SAXO1: variants seen among roughly 807,000 people sequenced by gnomAD.
SAXO1 encodes the protein 4930500O09Rik.
Under a neutral mutation model 17.5 loss-of-function variants are expected in SAXO1, and 21 were observed. The ratio of observed to expected loss-of-function variants is 1.20; its 90% CI spans 0.85 to 1.72. The LOEUF (loss-of-function observed/expected upper bound fraction) is 1.72. SAXO1 is among the 40% of genes most tolerant of loss of function. SAXO1 has a pLI of 0.00. For missense variants in SAXO1, 843 were observed against 596.0 expected, an observed-to-expected ratio of 1.41 and a Z score of -4.32; for synonymous variants, 274 against 216.5, an observed-to-expected ratio of 1.27 and a Z score of -2.33.
At chr9:19,044,628 C>G (rs975244366) in intron 1 of SAXO1, among the ~76,000 whole-genome samples, 3 of 152,126 alleles carry the variant, frequency 2.0e-5, no homozygotes, top group Non-Finnish European at 4.4e-5. Flanking sequence ...CTTTGGGAGG[C>G]TGAGGCGGCA....
intron 1 of SAXO1, among the ~76,000 whole-genome samples, chr9:18,953,895 C>T (rs1051060209): frequency 6.6e-6 from 1 of 152,174 alleles, no homozygotes; most frequent in South Asian, 2.1e-4. Flanking sequence ...AAGGGAAAGA[C>T]AGATTTCTCA....
chr9:19,029,026 C>T (rs1481426435), intron 1 of SAXO1, among the ~76,000 whole-genome samples: 1 of 152,164 alleles, frequency 6.6e-6, no homozygotes, highest in Non-Finnish European at 1.5e-5. Flanking sequence ...GAGAATTGAT[C>T]AGGAAACGTC....
At chr9:18,959,590 G>C (rs193232869) in intron 1 of SAXO1, among the ~76,000 whole-genome samples, 3 of 152,228 alleles carry the variant, frequency 2.0e-5, no homozygotes, top group African/African-American at 7.2e-5. Context: ...GGCCAATATG[G>C]TGAAACCCCA....
At chr9:18,936,873 T>C (rs1478691772) in intron 3 of SAXO1, among the ~76,000 whole-genome samples, 1 of 152,228 alleles carries the variant, frequency 6.6e-6, no homozygotes, top group African/African-American at 2.4e-5. Flanking sequence ...GCATATTTTA[T>C]TGGTGGTTTT....
At chr9:19,029,131 G>A (rs1463251229) in intron 1 of SAXO1, among the ~76,000 whole-genome samples, 1 of 152,178 alleles carries the variant, frequency 6.6e-6, no homozygotes, top group Non-Finnish European at 1.5e-5. Flanking sequence ...CCTGCAGATG[G>A]ACACCTTTTT....
At chr9:18,987,500 C>G (rs1273044342) in intron 1 of SAXO1, among the ~76,000 whole-genome samples, 1 of 152,166 alleles carries the variant, frequency 6.6e-6, no homozygotes, top group Non-Finnish European at 1.5e-5. Context: ...CTTTTCCTTT[C>G]GATGTGATTT....
intron 1 of SAXO1, among the ~76,000 whole-genome samples, chr9:19,030,343 T>C (rs1327823223): frequency 6.6e-6 from 1 of 152,028 alleles, no homozygotes; most frequent in Non-Finnish European, 1.5e-5. Context: ...CCAGGGAGGT[T>C]GTAACCGGAA....
rs925670530 is a variant in SAXO1, at chr9:19,027,702, C to T, written c.38+5169G>A. ...ATCATCTTCACTGATGAGCTGGATG[C>T]CATAGGCACCAAGCACTTTGACAGC... On this transcript the variant is annotated intron_variant, in intron 1 of 3. Transcript: ENST00000380534. 10 of 1,362,476 alleles carry T rather than the reference C, an allele frequency of 7.3e-6. No individual in the cohort carries two copies. In the African/African-American group the frequency reaches 1.3e-4, roughly 18 times the overall value. The allele number at this position is 1,362,476 out of a possible 1,614,324, so 84.4% of individuals were successfully genotyped here. A position where few individuals can be genotyped will look rare whatever the true frequency, so the allele number is the denominator to read the frequency against.
In SAXO1 at chr9:18,977,993, C is replaced by CAAAAAAA. The variant is rs371914686; in HGVS notation, c.39-27063_39-27057dup. On this transcript the variant is annotated intron_variant, in intron 1 of 3. Transcript: ENST00000380534. ...CCTGGGTAAGAGAATGAGACCCTGC[C>CAAAAAAA]AAAAAAAAAAAAAAAAAAAAAAAAA... is the stretch of plus-strand genomic sequence containing the variant. Among the ~76,000 whole-genome samples, 66 of 98,652 alleles carry CAAAAAAA rather than the reference C, an allele frequency of 6.7e-4. 2 individuals are homozygous for CAAAAAAA. The highest frequency in any genetic ancestry group is 2.4e-3 in the African/African-American group (58 of 23,746). The allele number at this position is 98,652 out of a possible 152,430, so 64.7% of individuals were successfully genotyped here. A position where few individuals can be genotyped will look rare whatever the true frequency, so the allele number is the denominator to read the frequency against.
chr9:18,967,702 G>A (rs1000870719), intron 1 of SAXO1, among the ~76,000 whole-genome samples: 3 of 152,174 alleles, frequency 2.0e-5, no homozygotes, highest in East Asian at 1.9e-4. Context: ...AGGATCCGCT[G>A]AGCAAGACCA....
Position 18,950,672 on chromosome 9 carries a change from C to T in SAXO1, c.218+86G>A. 2.5e-6 allele frequency: 3 copies of T among 1,207,006 alleles called. No homozygotes were observed. In the East Asian group the frequency reaches 7.1e-5, roughly 28 times the overall value. The allele number at this position is 1,207,006 out of a possible 1,614,324, so 74.8% of individuals were successfully genotyped here. A position where few individuals can be genotyped will look rare whatever the true frequency, so the allele number is the denominator to read the frequency against. On this transcript the variant is annotated intron_variant, in intron 2 of 3. Transcript: ENST00000380534. ...TGCACATTAATGCATTAGCACTGCA[C>T]ATTACATTAATATTATACATTAGCA...
At chr9:19,044,761 G>T (rs1340653219) in intron 1 of SAXO1, among the ~76,000 whole-genome samples, 1 of 151,984 alleles carries the variant, frequency 6.6e-6, no homozygotes, top group African/African-American at 2.4e-5. Flanking sequence ...TACTTGGGAG[G>T]CTGAGGCAGG....
chr9:19,041,034 T>C (rs1327694813), intron 1 of SAXO1, among the ~76,000 whole-genome samples: 1 of 151,732 alleles, frequency 6.6e-6, no homozygotes, highest in African/African-American at 2.4e-5. Context: ...TGTTCTTATA[T>C]TTGGAAAAAC....
At chr9:19,045,158 A>C (rs1459711787) in intron 1 of SAXO1, among the ~76,000 whole-genome samples, 3 of 147,164 alleles carry the variant, frequency 2.0e-5, no homozygotes, top group African/African-American at 7.6e-5. Context: ...AAAATACAAA[A>C]AATTAGCCGG....
rs560655653 is a variant in SAXO1, at chr9:18,947,982, T to C, written c.218+2776A>G. Among the ~76,000 whole-genome samples, 17 of 152,260 alleles carry C rather than the reference T, an allele frequency of 1.1e-4. No homozygotes were observed. The South Asian group carries it at 3.1e-3, about 28-fold the overall frequency. ...CTTTTTCATTCAGCAGGTGGGAGCC[T>C]CATGTCCAACCTCAGAAACTAAGCA... On this transcript the variant is annotated intron_variant, in intron 2 of 3. Transcript: ENST00000380534.
At chr9:19,034,487 T>G (rs532726791), upstream of SAXO1, among the ~76,000 whole-genome samples, 27 of 152,350 alleles carry the variant, frequency 1.8e-4, no homozygotes, top group Non-Finnish European at 2.8e-4. Context: ...AGTTTTGAAT[T>G]TTTTCAAAAA....
intron 1 of SAXO1, among the ~76,000 whole-genome samples, chr9:19,039,480 A>T (rs1836023489): frequency 6.6e-6 from 1 of 152,254 alleles, no homozygotes; most frequent in African/African-American, 2.4e-5. Flanking sequence ...CATCTACTGT[A>T]CTTCGTCCCT....
At chr9:18,941,861 CT>C (rs1831579374) in intron 2 of SAXO1, 22 bp from the exon 3 acceptor site, 1 of 1,611,924 alleles carries the variant, frequency 6.2e-7, no homozygotes, top group Non-Finnish European at 8.5e-7. Flanking sequence ...CAAGTGCATG[CT>C]GTTGGGGTCC....
intron 1 of SAXO1, among the ~76,000 whole-genome samples, chr9:19,038,726 T>A (rs995862986): frequency 3.3e-5 from 5 of 151,568 alleles, no homozygotes; most frequent in African/African-American, 1.2e-4. Flanking sequence ...CTGCACATTG[T>A]GCACATGTAC....
Sources: allele counts gnomAD v4.1 joint callset (sites outside exome capture counted in the v4.1 genomes callset), GRCh38; gene constraint gnomAD v4.1.1; transcripts MANE v1.5; gene names NCBI Gene and HGNC (gene_info 2026-07-23, HGNC 2026-07-21).